The following APOB variants were observed in gnomAD, a reference collection of about 807,000 sequenced individuals.
The protein encoded by APOB is apolipoprotein B-100.
APOB carries 153 observed loss-of-function variants against 314.1 expected under a neutral mutation model. The observed-to-expected ratio is 0.49, with a 90% CI of 0.43 to 0.56. The LOEUF (loss-of-function observed/expected upper bound fraction) is 0.56. Ranked by LOEUF, APOB falls within the 20% of genes least tolerant of loss-of-function variation. The probability of loss-of-function intolerance (pLI) is 0.00; values close to 1 mark genes in which losing one functional copy is unlikely to be tolerated. For synonymous variants in APOB, 2,087 were observed against 2,036.4 expected, an observed-to-expected ratio of 1.02 and a Z score of -0.67; for missense variants, 5,430 against 5,350.7, an observed-to-expected ratio of 1.01 and a Z score of -0.46.
In APOB at chr2:21,043,879, C is replaced by CCAGCAG. The variant is rs745520533; in HGVS notation, c.61_66dup (p.Leu21_Leu22dup). The CCAGCAG allele has an allele frequency of 7.0e-4, 985 of 1,416,518 alleles. 19 individuals carry two copies. The Admixed American group carries it at 0.02, about 28-fold the overall frequency. The allele number at this position is 1,416,518 out of a possible 1,614,324, so 87.7% of individuals were successfully genotyped here. On this transcript the variant is annotated inframe_insertion, in exon 1 of 29. Coordinates refer to ENST00000233242, the MANE Select transcript of APOB (RefSeq NM_000384.3). ...GCGCACTCACCGGCCCTGGCGCCCG[C>CCAGCAG]CAGCAGCAGCAGCAGCAGCGCAGGC...
At position 21,008,757 on chromosome 2, in the gene APOB, G is replaced by A. The variant is rs201874707; in HGVS notation, c.8111C>T (p.Ala2704Val). ...ACGGAAGTCTGGCAGGGTGATTCTC[G>A]CTAGAGGAATGTCCTCCACCTTCAG... ...RDLKVEDIPLARITLPDFRLP... is the reference protein window; with the variant it reads ...RDLKVEDIPLVRITLPDFRLP... The change falls in exon 26 of 29, where the codon GCG (alanine) becomes GTG (valine). Residue 2704 changes from alanine to valine, a missense_variant. Ala to Val is a moderately conservative substitution (Grantham distance 64, BLOSUM62 0). This residue lies in a region of APOB where 3,281 missense variants were observed against 3,171.0 expected (regional missense o/e 1.03). Transcript: ENST00000233242. The A allele has an allele frequency of 2.4e-5, 39 of 1,614,000 alleles. No individual in the cohort carries two copies. In the East Asian group the frequency reaches 6.7e-4, roughly 28 times the overall value.
At chr2:21,036,983 A>G (rs1664017176) in intron 6 of APOB, 117 bp downstream of exon 6, 9 of 1,324,204 alleles carry the variant, frequency 6.8e-6, no homozygotes, top group Non-Finnish European at 9.6e-6. Context: ...TCTAGTCTGT[A>G]TAAAAAACAG....
Position 21,008,232 on chromosome 2 carries a change from T to C in APOB, c.8636A>G (p.Asn2879Ser). 1 of 1,614,130 alleles carries C rather than the reference T, an allele frequency of 6.2e-7. No individual in the cohort carries two copies. Among genetic ancestry groups the C allele is most frequent in the Non-Finnish European group, 8.5e-7 (1 of 1,179,986 alleles). ...LSNGVIVKIN[N>S]QLTLDSNTKY... ...AGTGTTGCTATCCAGGGTAAGCTGA[T>C]TGTTTATCTTGACAATCACTCCATT... The change falls in exon 26 of 29, where the codon AAT becomes AGT. Residue 2879 changes from asparagine (N) to serine (S), a missense_variant. Asn to Ser is a conservative substitution (Grantham distance 46). Transcript: ENST00000233242.
Position 21,043,906 on chromosome 2 carries a change from GCGCCA to G in APOB, c.35_39del (p.Leu12ProfsTer44), listed in dbSNP as rs1664202070. 5 of 680,916 alleles carry G rather than the reference GCGCCA, an allele frequency of 7.3e-6. No homozygotes were observed. The highest frequency in any genetic ancestry group is 6.3e-5 in the Admixed American group (1 of 15,880). 42.2% of individuals were successfully genotyped at this position (680,916 alleles called of 1,614,324 possible). A position where few individuals can be genotyped will look rare whatever the true frequency, so the allele number is the denominator to read the frequency against. ...AGCAGCAGCAGCAGCAGCGCAGGCA[GCGCCA>G]GCAGCGCCAGCAGCGCGGGCCTCGG... On this transcript the variant is annotated frameshift_variant, in exon 1 of 29. Transcript: ENST00000233242. LOFTEE classifies it high-confidence loss of function.
In APOB at chr2:21,042,127, G is replaced by A. The variant is rs531023775; in HGVS notation, c.237+234C>T. 1.2e-3 allele frequency among the ~76,000 whole-genome samples: 178 copies of A among 152,280 alleles called. 4 individuals are homozygous for A. The South Asian group carries it at 0.023, about 19-fold the overall frequency. ...TTCCTATTGCATCTGGGAAGTTAAC[G>A]GGAAAATACTTCTGACTTGCGAAAT... On this transcript the variant is annotated intron_variant, in intron 3 of 28. Coordinates refer to ENST00000233242, the MANE Select transcript of APOB (RefSeq NM_000384.3).
chr2:21,002,604 A>C lies in APOB; in HGVS notation c.12818T>G (p.Leu4273Trp). ...TTGGGCTTCTTTTGATAAATCTTTC[A>C]ACAGTTCCCTATACATCGAGATTAC... is the stretch of plus-strand genomic sequence containing the variant. ...IDVISMYREL[L>W]KDLSKEAQEV... Residue 4273 changes from leucine to tryptophan, a missense_variant, in exon 29 of 29, where the codon TTG (leucine) becomes TGG (tryptophan). Physicochemically the swap from Leu to Trp is moderately conservative, Grantham distance 61 (BLOSUM62 -2). Transcript: ENST00000233242. The C allele has an allele frequency of 6.2e-7, 1 of 1,614,076 alleles. No individual in the cohort carries two copies. Among genetic ancestry groups the C allele is most frequent in the Non-Finnish European group, 8.5e-7 (1 of 1,179,974 alleles).
chr2:21,019,222 TTAACA>T, intron 19 of APOB, 109 bp from the exon 20 acceptor site: 3 of 1,393,746 alleles, frequency 2.2e-6, no homozygotes, highest in Non-Finnish European at 3.0e-6. Flanking sequence ...GGTCCTTATT[TTAACA>T]TTGTCTCTTG....
chr2:21,007,045 G>T lies in APOB; in HGVS notation c.9823C>A (p.Pro3275Thr). ...IEMSAFGYVF[P>T]KAVSMPSFSI... Reference sequence around the variant, plus strand: ...AAACTAGGCATGCTGACTGCTTTTGGGAACACATAGCCGAATGCCGACATC... The same window carrying T: ...AAACTAGGCATGCTGACTGCTTTTGTGAACACATAGCCGAATGCCGACATC... The change falls in exon 26 of 29, where the codon CCA (proline) becomes ACA (threonine). Residue 3275 changes from proline (P) to threonine (T), a missense_variant. Coordinates refer to ENST00000233242, the MANE Select transcript of APOB (RefSeq NM_000384.3). The T allele has an allele frequency of 6.2e-7, 1 of 1,614,000 alleles. No homozygotes were observed.
Position 21,037,230 on chromosome 2 carries a change from G to A in APOB, c.563C>T (p.Thr188Ile). Residue 188 changes from threonine to isoleucine, a missense_variant, in exon 6 of 29, where the codon ACT (threonine) becomes ATT (isoleucine). This residue lies in a region of APOB where 2,085 missense variants were observed against 2,079.7 expected (regional missense o/e 1.00). Coordinates refer to ENST00000233242, the MANE Select transcript of APOB (RefSeq NM_000384.3). ...FLDTVYGNCS[T>I]HFTVKTRKGN... ...CTTCCTCGTCTTGACGGTAAAGTGA[G>A]TGGAGCAGTTTCCATACACGGTATC... 1 of 1,614,148 alleles carries A rather than the reference G, an allele frequency of 6.2e-7. No homozygotes were observed. Among genetic ancestry groups the A allele is most frequent in the East Asian group, 2.2e-5 (1 of 44,872 alleles).
intron 26 of APOB, 24 bp downstream of exon 26, chr2:21,005,056 G>A (rs1299577264): frequency 1.9e-6 from 3 of 1,611,698 alleles, no homozygotes; most frequent in Non-Finnish European, 2.5e-6. Context: ...CAGTATCTAG[G>A]AGAGGAGGCA....
intron 21 of APOB, 119 bp from the exon 22 acceptor site, chr2:21,015,664 A>G: frequency 1.9e-6 from 2 of 1,072,368 alleles, no homozygotes; most frequent in Non-Finnish European, 2.8e-6. Context: ...GTTCAGAGAA[A>G]CAGCCACAGA....
At position 21,043,879 on chromosome 2, in the gene APOB, CCAGCAGCAG is replaced by C; in HGVS notation, c.58_66del (p.Leu20_Leu22del). ...GCGCACTCACCGGCCCTGGCGCCCG[CCAGCAGCAG>C]CAGCAGCAGCGCAGGCAGCGCCAGC... On this transcript the variant is annotated inframe_deletion, in exon 1 of 29. Transcript: ENST00000233242. The C allele has an allele frequency of 4.2e-6, 6 of 1,416,432 alleles. No homozygotes were observed. Among genetic ancestry groups the C allele is most frequent in the Non-Finnish European group, 5.6e-6 (6 of 1,064,744 alleles). The allele number at this position is 1,416,432 out of a possible 1,614,324, so 87.7% of individuals were successfully genotyped here.
intron 14 of APOB, among the ~76,000 whole-genome samples, chr2:21,027,295 T>C (rs1240880236): frequency 6.7e-6 from 1 of 150,314 alleles, no homozygotes; most frequent in African/African-American, 2.4e-5. Context: ...AGACGAGACA[T>C]TTGCATTTCA....
At chr2:21,023,121 C>A in intron 17 of APOB, 79 bp from the exon 18 acceptor site, 5 of 1,267,332 alleles carry the variant, frequency 3.9e-6, no homozygotes, top group Non-Finnish European at 5.8e-6. Context: ...CCCTTTCTCA[C>A]CTCCGGGCAA....
In APOB at chr2:21,022,816, G is replaced by A. The variant is rs377375366; in HGVS notation, c.2816+15C>T. Reference sequence around the variant, plus strand: ...TCTTTCAAACTGGCTAGGCAGACTTGGCTGAAAGAATTACCCTCCACTGAG... The same window carrying A: ...TCTTTCAAACTGGCTAGGCAGACTTAGCTGAAAGAATTACCCTCCACTGAG... On this transcript the variant is annotated intron_variant, in intron 18 of 28. Transcript: ENST00000233242. 18 of 1,612,652 alleles carry A rather than the reference G, an allele frequency of 1.1e-5. No homozygotes were observed. In the African/African-American group the frequency reaches 2.0e-4, roughly 18 times the overall value.
At chr2:21,021,373 C>T (rs141773098) in intron 18 of APOB, among the ~76,000 whole-genome samples, 1 of 152,332 alleles carries the variant, frequency 6.6e-6, no homozygotes, top group East Asian at 1.9e-4. Context: ...CTCTTAGCCA[C>T]ATAGGATCGT....
chr2:21,034,756 A>G lies in APOB; in HGVS notation c.904+60T>C, dbSNP rs182257545. The G allele has an allele frequency of 3.3e-4, 311 of 950,888 alleles. 2 individuals are homozygous for G. In the African/African-American group the frequency reaches 4.3e-3, roughly 13 times the overall value. The allele number at this position is 950,888 out of a possible 1,614,324, so 58.9% of individuals were successfully genotyped here. ...TTTAACAGGGCTCAGCAAGTGGCTA[A>G]GCCATGATAGGCACATCTTGAGTAG... On this transcript the variant is annotated intron_variant, in intron 8 of 28. Coordinates refer to ENST00000233242, the MANE Select transcript of APOB (RefSeq NM_000384.3).
intron 10 of APOB, among the ~76,000 whole-genome samples, chr2:21,031,867 A>C (rs143452815): frequency 2.5e-3 from 380 of 152,250 alleles, no homozygotes; most frequent in African/African-American, 7.9e-3. Context: ...ACAACAACAA[A>C]AAAAAACAAA....
rs1202159915 is a variant in APOB, at chr2:21,006,204, G to T, written c.10664C>A (p.Thr3555Lys). The T allele has an allele frequency of 1.2e-5, 19 of 1,614,062 alleles. No homozygotes were observed. Among genetic ancestry groups the T allele is most frequent in the Non-Finnish European group, 1.6e-5 (19 of 1,179,980 alleles). ...EVKENFAGEA[T>K]LQRIYSLWEH... ...CCAGAGGGAATATATGCGTTGGAGT[G>T]TGGCTTCTCCAGCAAAATTTTCTTT... is the stretch of plus-strand genomic sequence containing the variant. Residue 3555 changes from threonine (T) to lysine (K), a missense_variant, in exon 26 of 29, where the codon ACA becomes AAA. Thr to Lys is a moderately conservative substitution (Grantham distance 78). Transcript: ENST00000233242.
Sources: gnomAD v4.1 joint callset for allele counts (sites outside exome capture counted in the v4.1 genomes callset) on GRCh38, gnomAD v4.1.1 for gene constraint, gnomAD v4.1.1 regional missense constraint, MANE v1.5 for transcripts, NCBI Gene and HGNC (gene_info 2026-07-23, HGNC 2026-07-21) for gene names.